STAU2: variants seen among roughly 807,000 people sequenced by gnomAD.
STAU2 encodes the protein double-stranded RNA-binding protein Staufen homolog 2.
Under a neutral mutation model 65.9 loss-of-function variants are expected in STAU2, and 20 were observed. The ratio of observed to expected loss-of-function variants is 0.30; its 90% CI spans 0.21 to 0.44. The LOEUF (loss-of-function observed/expected upper bound fraction) is 0.44. Ranked by LOEUF, STAU2 falls within the 20% of genes least tolerant of loss-of-function variation. The pLI is 1.00. For synonymous variants in STAU2, 232 were observed against 233.9 expected, an observed-to-expected ratio of 0.99 and a Z score of 0.07; for missense variants, 558 against 683.9, an observed-to-expected ratio of 0.82 and a Z score of 2.05.
chr8:73,466,145 C>A (rs1819640807), intron 13 of STAU2, among the ~76,000 whole-genome samples: 1 of 152,206 alleles, frequency 6.6e-6, no homozygotes, highest in Non-Finnish European at 1.5e-5. Flanking sequence ...GGATAGCACA[C>A]TTGTAGACCT....
At chr8:73,461,746 C>T (rs139795852) in intron 13 of STAU2, among the ~76,000 whole-genome samples, 304 of 152,118 alleles carry the variant, frequency 2.0e-3, no homozygotes, top group African/African-American at 7.0e-3. Flanking sequence ...GGAACGCAAC[C>T]GCGGGCTTTC....
chr8:73,729,469 G>C (rs1442669032), intron 3 of STAU2, among the ~76,000 whole-genome samples: 1 of 152,192 alleles, frequency 6.6e-6, no homozygotes, highest in Non-Finnish European at 1.5e-5. Context: ...TTTTTTGGAA[G>C]AGTTTGAGAG....
At chr8:73,650,040 C>A (rs1352371908) in intron 6 of STAU2, among the ~76,000 whole-genome samples, 1 of 151,496 alleles carries the variant, frequency 6.6e-6, no homozygotes, top group East Asian at 1.9e-4. Flanking sequence ...AAGTAAATCG[C>A]AGATTTTATT....
intron 13 of STAU2, among the ~76,000 whole-genome samples, chr8:73,509,779 T>C (rs947522186): frequency 1.3e-5 from 2 of 152,160 alleles, no homozygotes; most frequent in African/African-American, 4.8e-5. Context: ...TGGGGAATTA[T>C]AGTAAAGAAC....
At chr8:73,658,544 G>T (rs553754830) in intron 6 of STAU2, among the ~76,000 whole-genome samples, 2 of 152,250 alleles carry the variant, frequency 1.3e-5, no homozygotes, top group East Asian at 3.9e-4. Flanking sequence ...ACATTTCCAA[G>T]AAATTATGTT....
chr8:73,737,321 C>G (rs576454817), intron 3 of STAU2, among the ~76,000 whole-genome samples: 3 of 151,816 alleles, frequency 2.0e-5, no homozygotes, highest in Non-Finnish European at 4.4e-5. Flanking sequence ...CAGGCACGCA[C>G]CACCATGCCT....
At chr8:73,725,739 C>A (rs1486806292) in intron 3 of STAU2, among the ~76,000 whole-genome samples, 1 of 152,164 alleles carries the variant, frequency 6.6e-6, no homozygotes, top group Non-Finnish European at 1.5e-5. Context: ...GGGAGACCAA[C>A]CTGAGCAACA....
At chr8:73,461,785 A>G (rs917761135) in intron 13 of STAU2, among the ~76,000 whole-genome samples, 7 of 152,106 alleles carry the variant, frequency 4.6e-5, no homozygotes, top group African/African-American at 1.7e-4. Context: ...GGGGAACTCA[A>G]ACTCAGAGCC....
At chr8:73,727,590 C>CTGCAATT (rs1805740198) in intron 3 of STAU2, among the ~76,000 whole-genome samples, 1 of 152,216 alleles carries the variant, frequency 6.6e-6, no homozygotes, top group Admixed American at 6.5e-5. Flanking sequence ...ATACAGACTA[C>CTGCAATT]TGCAATTTGT....
intron 13 of STAU2, among the ~76,000 whole-genome samples, chr8:73,460,602 G>T (rs1022093121): frequency 6.6e-6 from 1 of 152,128 alleles, no homozygotes; most frequent in African/African-American, 2.4e-5. Context: ...CTCTGCTAAG[G>T]CTCTGAGTAC....
rs530376893 is a variant in STAU2, at chr8:73,640,348, T to C, written c.411-22897A>G. 5.3e-5 allele frequency among the ~76,000 whole-genome samples: 8 copies of C among 152,222 alleles called. No individual in the cohort carries two copies. The East Asian group carries it at 1.3e-3, about 26-fold the overall frequency. On this transcript the variant is annotated intron_variant, in intron 6 of 14. Coordinates refer to ENST00000524300, the MANE Select transcript of STAU2 (RefSeq NM_001164380.2). ...GATTAGAAGACACTGACTTAAAGAA[T>C]TGGTTATATATAAAACATAGCTTCC...
intron 13 of STAU2, among the ~76,000 whole-genome samples, chr8:73,468,927 A>C (rs1030613484): frequency 6.9e-6 from 1 of 145,248 alleles, no homozygotes; most frequent in Non-Finnish European, 1.5e-5. Flanking sequence ...ACTAGAAATA[A>C]CATTTGACCC....
intron 6 of STAU2, among the ~76,000 whole-genome samples, chr8:73,639,338 T>C (rs558480885): frequency 1.1e-3 from 173 of 152,284 alleles, no homozygotes; most frequent in Non-Finnish European, 1.8e-3. Flanking sequence ...GGAGAATGTA[T>C]ACAATTGTTT....
intron 6 of STAU2, among the ~76,000 whole-genome samples, chr8:73,630,541 T>G (rs1814014444): frequency 6.6e-6 from 1 of 152,234 alleles, no homozygotes; most frequent in African/African-American, 2.4e-5. Context: ...AAATACAAAG[T>G]GTGGCCAAAG....
chr8:73,643,411 G>A (rs1815138429), intron 6 of STAU2, among the ~76,000 whole-genome samples: 1 of 152,134 alleles, frequency 6.6e-6, no homozygotes, highest in Non-Finnish European at 1.5e-5. Flanking sequence ...ATTCCTATGG[G>A]GGCAGAGACT....
chr8:73,594,104 T>C (rs534885852), intron 11 of STAU2, among the ~76,000 whole-genome samples: 4 of 152,310 alleles, frequency 2.6e-5, no homozygotes, highest in Non-Finnish European at 5.9e-5. Context: ...AATATAAATG[T>C]GTTAAGTTAA....
chr8:73,422,603 G>A lies in STAU2; in HGVS notation c.1619+11C>T, dbSNP rs1816465435. 1.3e-6 allele frequency: 2 copies of A among 1,499,814 alleles called. No homozygotes were observed. Among genetic ancestry groups the A allele is most frequent in the Non-Finnish European group, 1.8e-6 (2 of 1,130,654 alleles). The allele number at this position is 1,499,814 out of a possible 1,614,324, so 92.9% of individuals were successfully genotyped here. On this transcript the variant is annotated intron_variant, in intron 14 of 14. Coordinates refer to ENST00000524300, the MANE Select transcript of STAU2 (RefSeq NM_001164380.2). Reference sequence around the variant, plus strand: ...TAAAAGTGTAAGAATACTGACAGGGGATTTACTCACTTTTCAAGAGAACCT... The same window carrying A: ...TAAAAGTGTAAGAATACTGACAGGGAATTTACTCACTTTTCAAGAGAACCT...
Position 73,547,347 on chromosome 8 carries a change from T to C in STAU2, c.1530+4665A>G, listed in dbSNP as rs577979142. Among the ~76,000 whole-genome samples, 13 of 69,514 alleles carry C rather than the reference T, an allele frequency of 1.9e-4. No homozygotes were observed. In the East Asian group the frequency reaches 3.0e-3, roughly 16 times the overall value. The allele number at this position is 69,514 out of a possible 152,430, so 45.6% of individuals were successfully genotyped here. Reference sequence around the variant, plus strand: ...CCAGGATTTCTTTCTTCAAACATAGTATTTTTTTTTTACAGGGTTTAAAAT... The same window carrying C: ...CCAGGATTTCTTTCTTCAAACATAGCATTTTTTTTTTACAGGGTTTAAAAT... On this transcript the variant is annotated intron_variant, in intron 13 of 14. Coordinates refer to ENST00000524300, the MANE Select transcript of STAU2 (RefSeq NM_001164380.2).
intron 3 of STAU2, among the ~76,000 whole-genome samples, chr8:73,730,886 C>T (rs1013568084): frequency 7.2e-5 from 11 of 152,100 alleles, no homozygotes; most frequent in African/African-American, 2.2e-4. Flanking sequence ...CCATTGCTAA[C>T]GTCAAAGCAA....
Sources: gnomAD v4.1 joint callset for allele counts (sites outside exome capture counted in the v4.1 genomes callset) on GRCh38, gnomAD v4.1.1 for gene constraint, MANE v1.5 for transcripts, NCBI Gene and HGNC (gene_info 2026-07-23, HGNC 2026-07-21) for gene names.